The following ARHGAP4 variants were observed in gnomAD, a reference collection of about 807,000 sequenced individuals.
The protein encoded by ARHGAP4 is Rho GTPase activating protein 4, also known as rho GTPase-activating protein 4.
In ARHGAP4, 25 loss-of-function variants were observed where a neutral mutation model predicts 67.6. That is an observed-to-expected ratio of 0.37 (90% CI 0.27 to 0.52). The LOEUF (loss-of-function observed/expected upper bound fraction) is 0.52, where lower values mean the gene tolerates loss of function less well. Among genes scored for constraint, ARHGAP4 ranks in the 20% least tolerant of loss-of-function variants. The probability of loss-of-function intolerance (pLI) is 0.92; values close to 1 mark genes in which losing one functional copy is unlikely to be tolerated. For synonymous variants in ARHGAP4, 448 were observed against 373.7 expected (o/e 1.20, Z -2.29); for missense variants, 804 against 854.6 (o/e 0.94, Z 0.74).
In ARHGAP4 at chrX:153,910,025, G is replaced by T. The variant is rs549301187; in HGVS notation, c.2217C>A (p.Pro739=). The T allele has an allele frequency of 1.4e-5, 17 of 1,211,285 alleles. No homozygotes were observed. The highest frequency in any genetic ancestry group is 5.3e-5 in the South Asian group (3 of 56,976). ...DNEPELEAEM[P]AQEDDLEGVV... ...CATCGCCCTCACCATCCTCCTGTGC[G>T]GGCATCTCGGCTTCCAGCTCCGGCT... Residue 739 remains proline (P), a synonymous_variant, in exon 18 of 22, where the codon CCC becomes CCA. Transcript: ENST00000350060.
At chrX:153,916,803 C>T in intron 7 of ARHGAP4, among the ~76,000 whole-genome samples, 1 of 113,237 alleles carries the variant, frequency 8.8e-6, no homozygotes, top group Non-Finnish European at 1.9e-5. Context: ...TCAGGCCGGG[C>T]ATGGTGGCTC....
Position 153,913,222 on chromosome X carries a change from C to T in ARHGAP4, c.1407G>A (p.Gln469=). ...AGGGGGCAGCACTGGGCCCACCTCG[C>T]TGAAGGGCCTCCTGCAGCTTCTCGT... ...AKHEKLQEAL[Q]RGDKEEQEVS... The change falls in exon 10 of 22, where the codon CAG becomes CAA. Residue 469 remains glutamine, a synonymous_variant. Transcript: ENST00000350060. 5 of 1,168,308 alleles carry T rather than the reference C, an allele frequency of 4.3e-6. No individual in the cohort carries two copies. Among genetic ancestry groups the T allele is most frequent in the Non-Finnish European group, 5.7e-6 (5 of 873,484 alleles).
intron 12 of ARHGAP4, 143 bp from the exon 13 acceptor site, chrX:153,911,332 A>T (rs1216578767): frequency 1.9e-6 from 1 of 522,083 alleles, no homozygotes; most frequent in African/African-American, 2.9e-5. Context: ...ATCTCGGCTC[A>T]CTGTAGCCTC....
At chrX:153,924,360 G>A (rs990047289) in intron 1 of ARHGAP4, among the ~76,000 whole-genome samples, 4 of 111,767 alleles carry the variant, frequency 3.6e-5, no homozygotes, top group African/African-American at 1.3e-4. Context: ...CTTGTGAATT[G>A]CAAGTCGATT....
chrX:153,924,144 C>T (rs886582080), intron 1 of ARHGAP4, among the ~76,000 whole-genome samples: 1 of 111,936 alleles, frequency 8.9e-6, no homozygotes, highest in Non-Finnish European at 1.9e-5. Flanking sequence ...GACAACTGCT[C>T]GCCTCACTGG....
chrX:153,920,094 A>T (rs1382262216), intron 5 of ARHGAP4, among the ~76,000 whole-genome samples: 2 of 112,055 alleles, frequency 1.8e-5, no homozygotes, highest in Non-Finnish European at 3.8e-5. Context: ...TAAAGCTGGC[A>T]CGCTAACCAC....
intron 7 of ARHGAP4, among the ~76,000 whole-genome samples, chrX:153,915,993 G>A (rs782513595): frequency 2.7e-5 from 3 of 111,847 alleles, no homozygotes; most frequent in African/African-American, 6.5e-5. Context: ...CTATCAGCCC[G>A]GCCTCAGTGC....
In ARHGAP4 at chrX:153,921,534, G is replaced by T; in HGVS notation, c.273-7C>A. 1 of 1,197,751 alleles carries T rather than the reference G, an allele frequency of 8.3e-7. No homozygotes were observed. The highest frequency in any genetic ancestry group is 1.1e-6 in the Non-Finnish European group (1 of 887,709). ...CAGGAGGGACGGCTCCTTCCTGGGG[G>T]TAGAGGGGCACTGAGACCTGGGAGC... is the stretch of plus-strand genomic sequence containing the variant. On this transcript the variant is annotated splice_region_variant and splice_polypyrimidine_tract_variant and intron_variant, in intron 2 of 21. Transcript: ENST00000350060.
chrX:153,909,604 G>C, intron 19 of ARHGAP4, 69 bp from the exon 20 acceptor site: 1 of 1,109,514 alleles, frequency 9.0e-7, no homozygotes, highest in Non-Finnish European at 1.2e-6. Context: ...CAGCAGCTCC[G>C]CGCCAGCCAG....
chrX:153,923,864 G>A (rs1372286863), intron 1 of ARHGAP4, among the ~76,000 whole-genome samples: 5 of 111,551 alleles, frequency 4.5e-5, no homozygotes, highest in African/African-American at 1.3e-4. Flanking sequence ...TGCAACCTCC[G>A]CCTCCCGGGT....
At position 153,907,766 on chromosome X, in the gene ARHGAP4, T is replaced by C. The variant is rs782744046; in HGVS notation, c.2804A>G (p.His935Arg). ...GGGGGTCGTGTCTAGGCCCTGGGGG[T>C]GGGAAGCTGAGGGTGAGGCTGGGGC... ...PGAPASPSAS[H>R]PQGLDTTPKP... Residue 935 changes from histidine (H) to arginine (R), a missense_variant, in exon 22 of 22, where the codon CAC becomes CGC. Around this residue, in one of 2 missense-constraint regions of ARHGAP4, gnomAD observed 400 missense variants for 348.7 expected, o/e 1.15. Transcript: ENST00000350060. The C allele has an allele frequency of 2.8e-5, 28 of 1,001,232 alleles. No homozygotes were observed. The highest frequency in any genetic ancestry group is 3.6e-5 in the Non-Finnish European group (28 of 784,319). The allele number at this position is 1,001,232 out of a possible 1,213,427, so 82.5% of individuals were successfully genotyped here.
Position 153,910,013 on chromosome X carries a change from A to G in ARHGAP4, c.2229T>C (p.Asp743=). ...ELEAEMPAQE[D]DLEGVVEAVA... is the part of the protein sequence containing the mutation. Reference sequence around the variant, plus strand: ...GGGCTCTCTGCCCATCGCCCTCACCATCCTCCTGTGCGGGCATCTCGGCTT... The same window carrying G: ...GGGCTCTCTGCCCATCGCCCTCACCGTCCTCCTGTGCGGGCATCTCGGCTT... Residue 743 remains aspartate (D), a splice_region_variant and synonymous_variant, in exon 18 of 22, where the codon GAT becomes GAC. Coordinates refer to ENST00000350060, the MANE Select transcript of ARHGAP4 (RefSeq NM_001666.5). 2 of 1,211,010 alleles carry G rather than the reference A, an allele frequency of 1.7e-6. No homozygotes were observed. The highest frequency in any genetic ancestry group is 2.2e-6 in the Non-Finnish European group (2 of 895,342).
intron 1 of ARHGAP4, among the ~76,000 whole-genome samples, chrX:153,925,704 G>C (rs782569711): frequency 4.5e-4 from 50 of 112,208 alleles, no homozygotes; most frequent in Non-Finnish European, 7.9e-4. Context: ...AGGGACTGCA[G>C]TGGGGTTACG....
At chrX:153,920,359 T>A in intron 5 of ARHGAP4, 1 of 375,801 alleles carries the variant, frequency 2.7e-6, no homozygotes, top group Middle Eastern at 7.4e-4. Flanking sequence ...TCTGAAACCT[T>A]ACGGAATGGC....
At chrX:153,914,513 C>T (rs1392002536) in intron 7 of ARHGAP4, among the ~76,000 whole-genome samples, 3 of 111,382 alleles carry the variant, frequency 2.7e-5, no homozygotes, top group Non-Finnish European at 3.8e-5. Flanking sequence ...CTGGCCAACA[C>T]GGTGAAACCC....
chrX:153,919,554 T>C (rs1208124290), intron 5 of ARHGAP4: 2 of 1,151,334 alleles, frequency 1.7e-6, no homozygotes, highest in African/African-American at 1.8e-5. Flanking sequence ...GACACAGAAC[T>C]ATTCACAGAT....
At chrX:153,908,858 C>T (rs781914255) in intron 21 of ARHGAP4, among the ~76,000 whole-genome samples, 8 of 112,237 alleles carry the variant, frequency 7.1e-5, no homozygotes, top group African/African-American at 2.6e-4. Context: ...CCTCCGTAGC[C>T]GTCCCTCTCC....
At chrX:153,922,462 C>A in intron 1 of ARHGAP4, 1 of 744,205 alleles carries the variant, frequency 1.3e-6, no homozygotes, top group Non-Finnish European at 1.6e-6. Context: ...CCCAATCACC[C>A]CCCGCCCCAC....
Position 153,913,309 on chromosome X carries a change from A to G in ARHGAP4, c.1327-7T>C, listed in dbSNP as rs2065033878. The G allele has an allele frequency of 8.4e-7, 1 of 1,186,413 alleles. No individual in the cohort carries two copies. The highest frequency in any genetic ancestry group is 1.8e-5 in the African/African-American group (1 of 56,804). On this transcript the variant is annotated splice_polypyrimidine_tract_variant and splice_region_variant and intron_variant, in intron 9 of 21. Coordinates refer to ENST00000350060, the MANE Select transcript of ARHGAP4 (RefSeq NM_001666.5). The stretch of plus-strand genomic sequence containing the variant: ...TCAGATACTCCTGGAGCTTCTGGGC[A>G]GCCCCAAGAAGAGCCCCAAGTGTTA...
Sources: gnomAD v4.1 joint callset for allele counts (sites outside exome capture counted in the v4.1 genomes callset) on GRCh38, gnomAD v4.1.1 for gene constraint, gnomAD v4.1.1 regional missense constraint, MANE v1.5 for transcripts, NCBI Gene and HGNC (gene_info 2026-07-23, HGNC 2026-07-21) for gene names.